Variants in TVP23A observed in about 807,000 individuals in gnomAD.
The protein encoded by TVP23A is Golgi apparatus membrane protein TVP23 homolog A.
Under a neutral mutation model 31.7 loss-of-function variants are expected in TVP23A, and 21 were observed. The observed-to-expected ratio is 0.66, with a 90% confidence interval of 0.47 to 0.95. TVP23A has a LOEUF of 0.95. Among genes scored for constraint, TVP23A ranks in the 40% least tolerant of loss-of-function variants. The probability of loss-of-function intolerance (pLI) is 0.00; values close to 1 mark genes in which losing one functional copy is unlikely to be tolerated. For synonymous variants in TVP23A, 104 were observed against 96.0 expected (o/e 1.08, Z -0.49); for missense variants, 279 against 255.6 (o/e 1.09, Z -0.62).
chr16:10,815,559 G>A (rs2034401223), intron 2 of TVP23A, among the ~76,000 whole-genome samples: 1 of 152,220 alleles, frequency 6.6e-6, no homozygotes, highest in Admixed American at 6.5e-5. Context: ...CTTTATGGAT[G>A]GGCTGCTACT....
chr16:10,816,228 CAAAA>C (rs760801777), intron 2 of TVP23A, among the ~76,000 whole-genome samples: 7 of 73,822 alleles, frequency 9.5e-5, no homozygotes, highest in African/African-American at 1.9e-4. Flanking sequence ...AACCCTATCT[CAAAA>C]AAAAAAAAAA....
At position 10,773,376 on chromosome 16, in the gene TVP23A, G is replaced by A; in HGVS notation, c.390C>T (p.Ile130=). The A allele has an allele frequency of 6.2e-7, 1 of 1,612,460 alleles. No individual in the cohort carries two copies. Reference sequence around the variant, plus strand: ...AAAACACAATCCATATCATGGGGCAGATTATGAGGCCCAGCCAGAAGATTC... The same window carrying A: ...AAAACACAATCCATATCATGGGGCAAATTATGAGGCCCAGCCAGAAGATTC... ...EARIFWLGLI[I]CPMIWIVFFF... is the part of the protein sequence containing the mutation. The change falls in exon 5 of 8, where the codon ATC becomes ATT. Residue 130 remains isoleucine (I), a synonymous_variant. Transcript: ENST00000299866.
chr16:10,767,139 C>T lies in TVP23A; in HGVS notation c.*1963G>A, dbSNP rs1420436182. On this transcript the variant is annotated 3_prime_UTR_variant, in exon 8 of 8. Coordinates refer to ENST00000299866, the MANE Select transcript of TVP23A (RefSeq NM_001079512.4). The surrounding 1 kb of genome is among the most constrained non-coding windows in gnomAD (Gnocchi z 4.6). ...GGGCAGTGCAGTCACTTGCCTGTTT[C>T]GCCAGCAGCTCAGGCCTGGGGAGTG... 2 of 398,898 alleles carry T rather than the reference C, an allele frequency of 5.0e-6. No individual in the cohort carries two copies. The highest frequency in any genetic ancestry group is 8.8e-6 in the Non-Finnish European group (2 of 226,282). The allele number at this position is 398,898 out of a possible 1,614,324, so 24.7% of individuals were successfully genotyped here.
At chr16:10,792,234 C>G (rs373376372) in intron 2 of TVP23A, among the ~76,000 whole-genome samples, 1 of 152,186 alleles carries the variant, frequency 6.6e-6, no homozygotes, top group Non-Finnish European at 1.5e-5. Context: ...TTATGTGTGT[C>G]CATGTCCTTA....
chr16:10,778,348 G>A (rs1348419829), intron 2 of TVP23A, among the ~76,000 whole-genome samples: 1 of 151,968 alleles, frequency 6.6e-6, no homozygotes, highest in Non-Finnish European at 1.5e-5. Context: ...AATTAGACAG[G>A]ATCACATAGA....
intron 2 of TVP23A, among the ~76,000 whole-genome samples, chr16:10,816,228 C>CAAAAAAA (rs760801777): frequency 2.2e-4 from 16 of 73,808 alleles, no homozygotes; most frequent in African/African-American, 5.3e-4. Flanking sequence ...AACCCTATCT[C>CAAAAAAA]AAAAAAAAAA....
downstream of TVP23A, among the ~76,000 whole-genome samples, chr16:10,759,837 C>T (rs919345224): frequency 1.3e-5 from 2 of 152,208 alleles, no homozygotes; most frequent in East Asian, 3.9e-4. The surrounding 1 kb of genome is among the most constrained non-coding windows in gnomAD (Gnocchi z 4.7). Flanking sequence ...AGCTGAGCGC[C>T]CCTTCCTCCG....
rs2034552244 is a variant in TVP23A, at chr16:10,818,625, C to G, written c.-132G>C. ...GACGCTGAGGGTCGGGGCCTGCGCC[C>G]TGTGGGGCAGCCTCAGCGCAGCTTC... On this transcript the variant is annotated 5_prime_UTR_variant, in exon 1 of 8. Transcript: ENST00000299866. This position sits in a 1 kb window ranked among gnomAD's most constrained non-coding sequence, Gnocchi z 4.7. 6.0e-6 allele frequency: 7 copies of G among 1,172,272 alleles called. No homozygotes were observed. The South Asian group carries it at 1.2e-4, about 19-fold the overall frequency. The allele number at this position is 1,172,272 out of a possible 1,614,324, so 72.6% of individuals were successfully genotyped here.
intron 2 of TVP23A, among the ~76,000 whole-genome samples, chr16:10,817,161 G>A (rs1392601232): frequency 5.3e-5 from 8 of 152,320 alleles, no homozygotes; most frequent in Admixed American, 2.0e-4. Flanking sequence ...ACTGACTGTG[G>A]ACTTCTGGCC....
At chr16:10,758,023 C>T (rs148166867), downstream of TVP23A, 1 of 1,612,406 alleles carries the variant, frequency 6.2e-7, no homozygotes, top group Non-Finnish European at 8.5e-7. Flanking sequence ...ATCACCACTC[C>T]CCAGGTGAGC....
chr16:10,778,283 G>A (rs764295740), intron 2 of TVP23A, among the ~76,000 whole-genome samples: 10 of 152,154 alleles, frequency 6.6e-5, no homozygotes, highest in East Asian at 1.9e-4. Flanking sequence ...GCAGTGAGTC[G>A]AGATGATGCC....
At chr16:10,790,252 T>C (rs2033022308) in intron 2 of TVP23A, among the ~76,000 whole-genome samples, 1 of 151,810 alleles carries the variant, frequency 6.6e-6, no homozygotes, top group African/African-American at 2.4e-5. Flanking sequence ...TTTCAAAATA[T>C]GACAAAGAAA....
intron 2 of TVP23A, among the ~76,000 whole-genome samples, chr16:10,814,718 GTC>G (rs752180280): frequency 6.6e-6 from 1 of 152,174 alleles, no homozygotes; most frequent in East Asian, 1.9e-4. Flanking sequence ...CAAAACATTT[GTC>G]CCTCAGGCGC....
rs990005467 is a variant in TVP23A at position 10,779,406 on chromosome 16, G to A, written c.90-4310C>T. 1.8e-4 allele frequency among the ~76,000 whole-genome samples: 27 copies of A among 152,038 alleles called. No individual in the cohort carries two copies. The highest frequency in any genetic ancestry group is 2.9e-4 in the African/African-American group (12 of 41,372). ...GTCATGGCTTAAGTCCTGTCCACTCGTCTCTGCCATCGGGTCCTCCATCCT... is the reference window on the plus strand; with the variant it reads ...GTCATGGCTTAAGTCCTGTCCACTCATCTCTGCCATCGGGTCCTCCATCCT... On this transcript the variant is annotated intron_variant, in intron 2 of 7. Transcript: ENST00000299866. This position sits in a 1 kb window ranked among gnomAD's most constrained non-coding sequence, Gnocchi z 4.9.
At chr16:10,758,885 C>A (rs1900751713), downstream of TVP23A, among the ~76,000 whole-genome samples, 1 of 152,162 alleles carries the variant, frequency 6.6e-6, no homozygotes, top group African/African-American at 2.4e-5. Flanking sequence ...CATGGTGAGC[C>A]CGAGCTGAGA....
intron 2 of TVP23A, among the ~76,000 whole-genome samples, chr16:10,813,999 C>CAAAAAAAA (rs201277067): frequency 1.0e-4 from 5 of 49,520 alleles, no homozygotes; most frequent in African/African-American, 1.3e-4. Context: ...AACTCCATCT[C>CAAAAAAAA]AAAAAAAAAA....
intron 2 of TVP23A, among the ~76,000 whole-genome samples, chr16:10,778,843 G>A (rs983855865): frequency 3.9e-5 from 6 of 152,012 alleles, no homozygotes; most frequent in African/African-American, 1.2e-4. Context: ...GCAGGCGCCT[G>A]TAATCCCAGC....
Position 10,818,032 on chromosome 16 carries a change from A to G in TVP23A, c.89+71T>C. Reference sequence around the variant, plus strand: ...ACAGTAGGTGCTCAATATATTTTGAATGAATGAGTGAGTAAATGAATGAAT... The same window carrying G: ...ACAGTAGGTGCTCAATATATTTTGAGTGAATGAGTGAGTAAATGAATGAAT... On this transcript the variant is annotated intron_variant, in intron 2 of 7. Transcript: ENST00000299866. This position sits in a 1 kb window ranked among gnomAD's most constrained non-coding sequence, Gnocchi z 4.7. 7.6e-7 allele frequency: 1 copy of G among 1,315,456 alleles called. No individual in the cohort carries two copies. Among genetic ancestry groups the G allele is most frequent in the Non-Finnish European group, 1.1e-6 (1 of 930,064 alleles). 81.5% of individuals were successfully genotyped at this position (1,315,456 alleles called of 1,614,324 possible). A position where few individuals can be genotyped will look rare whatever the true frequency, so the allele number is the denominator to read the frequency against.
chr16:10,788,400 G>A (rs1041870364), intron 2 of TVP23A, among the ~76,000 whole-genome samples: 3 of 151,912 alleles, frequency 2.0e-5, no homozygotes, highest in Admixed American at 2.0e-4. Context: ...TCAGCCTCCT[G>A]AGCAGCTGGG....
Sources: allele counts gnomAD v4.1 joint callset (sites outside exome capture counted in the v4.1 genomes callset), GRCh38; gene constraint gnomAD v4.1.1; non-coding constraint Gnocchi (gnomAD v3.1); transcripts MANE v1.5; gene names NCBI Gene and HGNC (gene_info 2026-07-23, HGNC 2026-07-21).